Variants in HERC1 observed in about 807,000 individuals in gnomAD.
The protein encoded by HERC1 is HECT and RLD domain containing E3 ubiquitin protein ligase family member 1, also known as probable E3 ubiquitin-protein ligase HERC1.
A neutral mutation model predicts 554.3 loss-of-function variants in HERC1; 160 were observed. The ratio of observed to expected loss-of-function variants is 0.29; its 90% confidence interval spans 0.25 to 0.33. The LOEUF (loss-of-function observed/expected upper bound fraction) is 0.33. Ranked by LOEUF, HERC1 falls within the 10% of genes least tolerant of loss-of-function variation. The probability of loss-of-function intolerance (pLI) is 1.00; values close to 1 mark genes in which losing one functional copy is unlikely to be tolerated. For synonymous variants in HERC1, 2,175 were observed against 2,131.7 expected, an observed-to-expected ratio of 1.02 and a Z score of -0.56; for missense variants, 4,919 against 5,918.5, an observed-to-expected ratio of 0.83 and a Z score of 5.54.
rs536387169 is a variant in HERC1, at chr15:63,650,670, G to C, written c.10546+583C>G. ...GAATGTACAAATGTACAAATGTCAAGCACTTAAGTCCTTTCTCAACAATTA... is the reference window on the plus strand; with the variant it reads ...GAATGTACAAATGTACAAATGTCAACCACTTAAGTCCTTTCTCAACAATTA... On this transcript the variant is annotated intron_variant, in intron 53 of 77. Transcript: ENST00000443617. Among the ~76,000 whole-genome samples, 3 of 152,286 alleles carry C rather than the reference G, an allele frequency of 2.0e-5. No homozygotes were observed. The South Asian group carries it at 6.2e-4, about 32-fold the overall frequency.
At chr15:63,634,081 A>T (rs1040947796) in intron 66 of HERC1, 111 bp from the exon 67 acceptor site, 96 of 1,181,384 alleles carry the variant, frequency 8.1e-5, no homozygotes, top group Non-Finnish European at 1.2e-4. Context: ...ATGTTTCCAA[A>T]TATCTACAAT....
At chr15:63,780,727 A>C (rs1431951291) in intron 1 of HERC1, among the ~76,000 whole-genome samples, 1 of 152,120 alleles carries the variant, frequency 6.6e-6, no homozygotes, top group Non-Finnish European at 1.5e-5. Context: ...GTTTCAAAAA[A>C]AAAAAGGTAA....
intron 1 of HERC1, among the ~76,000 whole-genome samples, chr15:63,785,258 G>A (rs796518768): frequency 4.0e-4 from 61 of 151,800 alleles, no homozygotes; most frequent in African/African-American, 1.4e-3. Flanking sequence ...ACATTACCTT[G>A]ACAAAATGTT....
chr15:63,693,731 ACAGAATGGG>A (rs2072252830), intron 30 of HERC1, among the ~76,000 whole-genome samples: 1 of 152,184 alleles, frequency 6.6e-6, no homozygotes, highest in African/African-American at 2.4e-5. Flanking sequence ...GGCTGAACCT[ACAGAATGGG>A]CAGTATGGTC....
At position 63,694,939 on chromosome 15, in the gene HERC1, T is replaced by TA. The variant is rs772260412; in HGVS notation, c.5122-46dup. On this transcript the variant is annotated intron_variant, in intron 27 of 77. Coordinates refer to ENST00000443617, the MANE Select transcript of HERC1 (RefSeq NM_003922.4). This position sits in a 1 kb window ranked among gnomAD's most constrained non-coding sequence, Gnocchi z 4.3. Reference sequence around the variant, plus strand: ...TTACTTTTTCTATTAGCAACAATAATACCTGCTTGCAAAAAGAAGTAATAA... The same window carrying TA: ...TTACTTTTTCTATTAGCAACAATAATAACCTGCTTGCAAAAAGAAGTAATAA... 1.9e-6 allele frequency: 3 copies of TA among 1,557,046 alleles called. No homozygotes were observed. The highest frequency in any genetic ancestry group is 2.6e-6 in the Non-Finnish European group (3 of 1,147,166).
Position 63,737,747 on chromosome 15 carries a change from G to A in HERC1, c.2521-2898C>T, listed in dbSNP as rs1010196478. Among the ~76,000 whole-genome samples the A allele has an allele frequency of 5.9e-5, 9 of 151,374 alleles. No individual in the cohort carries two copies. In the East Asian group the frequency reaches 1.2e-3, roughly 20 times the overall value. On this transcript the variant is annotated intron_variant, in intron 12 of 77. Transcript: ENST00000443617. The stretch of plus-strand genomic sequence containing the variant: ...CAGTTCATATCATTTTGAAATGTGA[G>A]AACACAAAGGACAAGAAGAACTTGC...
chr15:63,723,085 G>A, intron 19 of HERC1, 97 bp downstream of exon 19: 2 of 681,888 alleles, frequency 2.9e-6, no homozygotes, highest in Non-Finnish European at 4.3e-6. Context: ...TAAAAAAAAG[G>A]GTGATCCCTA....
rs537167262 is a variant in HERC1 at position 63,811,354 on chromosome 15, G to A, written c.-27+22473C>T. On this transcript the variant is annotated intron_variant, in intron 1 of 77. Transcript: ENST00000443617. ...AAAGCAAAATGTATGCATGTTTAGA[G>A]GGGAGGAAAAAAGCAGTTGCACCAA... 2.1e-4 allele frequency among the ~76,000 whole-genome samples: 32 copies of A among 152,264 alleles called. 2 individuals carry two copies. Among genetic ancestry groups the A allele is most frequent in the Admixed American group, 1.2e-3 (19 of 15,288 alleles).
chr15:63,749,519 C>A lies in HERC1; in HGVS notation c.2067G>T (p.Trp689Cys). ...CACATTGCCCCATTGAGTTATTGCCCCAGGCATAAACTTCATTATCTAAAA... is the reference window on the plus strand; with the variant it reads ...CACATTGCCCCATTGAGTTATTGCCACAGGCATAAACTTCATTATCTAAAA... The part of the protein sequence containing the change: ...ALSHDNEVYA[W>C]GNNSMGQCGQ... Residue 689 changes from tryptophan to cysteine, a missense_variant, in exon 10 of 78, where the codon TGG (tryptophan) becomes TGT (cysteine). Trp to Cys is a radical substitution (Grantham distance 215). This residue lies in a region of HERC1 where 744 missense variants were observed against 1,090.0 expected (regional missense o/e 0.68). Coordinates refer to ENST00000443617, the MANE Select transcript of HERC1 (RefSeq NM_003922.4). The surrounding 1 kb of genome is among the most constrained non-coding windows in gnomAD (Gnocchi z 4.1). The A allele has an allele frequency of 2.5e-6, 4 of 1,609,420 alleles. No individual in the cohort carries two copies. Among genetic ancestry groups the A allele is most frequent in the Non-Finnish European group, 3.4e-6 (4 of 1,178,340 alleles).
intron 25 of HERC1, among the ~76,000 whole-genome samples, chr15:63,700,165 T>C (rs1364402923): frequency 6.6e-6 from 1 of 152,148 alleles, no homozygotes. Flanking sequence ...TGTCGTTGAC[T>C]TTTAAAAAAG....
At chr15:63,657,053 G>C (rs2070080505) in intron 48 of HERC1, among the ~76,000 whole-genome samples, 1 of 152,112 alleles carries the variant, frequency 6.6e-6, no homozygotes, top group Non-Finnish European at 1.5e-5. Context: ...ACCCAGAAGT[G>C]GATCTCTGGG....
intron 10 of HERC1, among the ~76,000 whole-genome samples, chr15:63,748,083 G>A (rs1041037256): frequency 2.0e-5 from 3 of 151,904 alleles, no homozygotes; most frequent in Admixed American, 6.6e-5. Context: ...AAAATTAGTC[G>A]GGCATGGTGG....
rs563024523 is a variant in HERC1, at chr15:63,619,920, T to A, written c.13688+2895A>T. On this transcript the variant is annotated intron_variant, in intron 74 of 77. Coordinates refer to ENST00000443617, the MANE Select transcript of HERC1 (RefSeq NM_003922.4). ...ATTAGTCTTGCTAGCAGTCTATCAA[T>A]TTTGTTGATCTTTTCAAAAAACCAG... Among the ~76,000 whole-genome samples the A allele has an allele frequency of 5.2e-3, 787 of 152,328 alleles. 6 individuals carry two copies. Among genetic ancestry groups the A allele is most frequent in the Middle Eastern group, 0.02 (6 of 294 alleles).
intron 1 of HERC1, among the ~76,000 whole-genome samples, chr15:63,800,570 T>C (rs1448477993): frequency 6.6e-6 from 1 of 152,220 alleles, no homozygotes; most frequent in Non-Finnish European, 1.5e-5. Flanking sequence ...TGTCACTTCC[T>C]CTGGGAAGGT....
At chr15:63,819,257 T>C in intron 1 of HERC1, among the ~76,000 whole-genome samples, 1 of 152,194 alleles carries the variant, frequency 6.6e-6, no homozygotes, top group East Asian at 1.9e-4. Context: ...GTTGAGATTA[T>C]TCAGGGGCTC....
chr15:63,830,553 CA>C (rs1567173196), intron 1 of HERC1, among the ~76,000 whole-genome samples: 1 of 152,018 alleles, frequency 6.6e-6, no homozygotes, highest in Non-Finnish European at 1.5e-5. Flanking sequence ...GGGGAAAAAC[CA>C]GTGAAATTAA....
chr15:63,631,132 C>T (rs1376662905), intron 68 of HERC1, among the ~76,000 whole-genome samples: 1 of 152,196 alleles, frequency 6.6e-6, no homozygotes, highest in Non-Finnish European at 1.5e-5. Flanking sequence ...GCACATGCCA[C>T]CATGCCTGGC....
intron 1 of HERC1, among the ~76,000 whole-genome samples, chr15:63,781,612 C>G (rs991523723): frequency 2.0e-5 from 3 of 152,134 alleles, no homozygotes; most frequent in African/African-American, 7.2e-5. Context: ...CTCCCTATTG[C>G]CTAAGACACA....
At position 63,787,157 on chromosome 15, in the gene HERC1, T is replaced by C. The variant is rs373166035; in HGVS notation, c.-26-11508A>G. Among the ~76,000 whole-genome samples the C allele has an allele frequency of 3.3e-5, 5 of 151,224 alleles. No homozygotes were observed. The East Asian group carries it at 5.9e-4, about 18-fold the overall frequency. On this transcript the variant is annotated intron_variant, in intron 1 of 77. Coordinates refer to ENST00000443617, the MANE Select transcript of HERC1 (RefSeq NM_003922.4). ...ATCCCCAGTCTCAATAAATTATTATTATCATATTATTATTTTTGAGATGGA... is the reference window on the plus strand; with the variant it reads ...ATCCCCAGTCTCAATAAATTATTATCATCATATTATTATTTTTGAGATGGA...
Sources: gnomAD v4.1 joint callset for allele counts (sites outside exome capture counted in the v4.1 genomes callset) on GRCh38, gnomAD v4.1.1 for gene constraint, gnomAD v4.1.1 regional missense constraint, Gnocchi (gnomAD v3.1) non-coding constraint, MANE v1.5 for transcripts, NCBI Gene and HGNC (gene_info 2026-07-23, HGNC 2026-07-21) for gene names.